CEP63: variants seen among roughly 807,000 people sequenced by gnomAD.
CEP63 encodes centrosomal protein 63.
A neutral mutation model predicts 89.1 loss-of-function variants in CEP63; 84 were observed. The ratio of observed to expected loss-of-function variants is 0.94; its 90% CI spans 0.79 to 1.13. The LOEUF is 1.13. CEP63 is among the 50% of genes most tolerant of loss of function. CEP63 has a pLI of 0.00. For synonymous variants in CEP63, 267 were observed against 272.5 expected, an observed-to-expected ratio of 0.98 and a Z score of 0.20; for missense variants, 838 against 813.3, an observed-to-expected ratio of 1.03 and a Z score of -0.37.
intron 3 of CEP63, among the ~76,000 whole-genome samples, chr3:134,518,661 G>T (rs548956052): frequency 6.6e-6 from 1 of 152,218 alleles, no homozygotes; most frequent in East Asian, 1.9e-4. Context: ...TTAGCTATGT[G>T]TGTATACATA....
At chr3:134,657,960 G>A in the CEP63 span, among the ~76,000 whole-genome samples, 3 of 152,168 alleles carry the variant, frequency 2.0e-5, no homozygotes, top group South Asian at 2.1e-4. Flanking sequence ...GCAGTGGCGC[G>A]ATCTTGGCTC....
chr3:134,736,563 A>G, the CEP63 span, among the ~76,000 whole-genome samples: 1 of 152,204 alleles, frequency 6.6e-6, no homozygotes, highest in Non-Finnish European at 1.5e-5. Flanking sequence ...AGTGGGAACA[A>G]CAACAAAAAT....
At chr3:134,493,487 A>C (rs532418035) in intron 1 of CEP63, among the ~76,000 whole-genome samples, 9 of 151,976 alleles carry the variant, frequency 5.9e-5, no homozygotes, top group Non-Finnish European at 1.3e-4. Flanking sequence ...CTTTTTCTTT[A>C]GGTTTTTATT....
At chr3:134,662,063 G>A in the CEP63 span, among the ~76,000 whole-genome samples, 6 of 152,210 alleles carry the variant, frequency 3.9e-5, no homozygotes, top group Non-Finnish European at 8.8e-5. Context: ...GATCACCTGA[G>A]GTCAGGAGTT....
At chr3:134,576,785 G>A (rs1051487406), downstream of CEP63, among the ~76,000 whole-genome samples, 2 of 152,170 alleles carry the variant, frequency 1.3e-5, no homozygotes, top group African/African-American at 4.8e-5. Context: ...CCTGGCCTCG[G>A]GGTCTGGGAG....
At chr3:134,591,484 T>C (rs1397646953), downstream of CEP63, among the ~76,000 whole-genome samples, 5 of 152,226 alleles carry the variant, frequency 3.3e-5, no homozygotes, top group Non-Finnish European at 7.3e-5. Context: ...GTTATGATTC[T>C]CTTTGTGGAG....
chr3:134,543,674 T>TC (rs1243109029), intron 6 of CEP63, among the ~76,000 whole-genome samples: 9 of 152,204 alleles, frequency 5.9e-5, no homozygotes, highest in African/African-American at 2.2e-4. Context: ...TGAGTGCCCA[T>TC]TTTGGCAGTG....
the CEP63 span, among the ~76,000 whole-genome samples, chr3:134,757,722 G>T: frequency 6.6e-6 from 1 of 152,176 alleles, no homozygotes; most frequent in African/African-American, 2.4e-5. Flanking sequence ...GGGGGGTGGT[G>T]CATGGTGCAG....
the CEP63 span, among the ~76,000 whole-genome samples, chr3:134,665,853 G>A: frequency 6.6e-6 from 1 of 151,916 alleles, no homozygotes; most frequent in South Asian, 2.1e-4. Flanking sequence ...GATAGCCAGA[G>A]GAAGGGAACA....
At chr3:134,766,195 G>A in the CEP63 span, among the ~76,000 whole-genome samples, 1,320 of 152,308 alleles carry the variant, frequency 8.7e-3, 19 homozygotes, top group African/African-American at 0.029. Context: ...TTACTTTAAT[G>A]TTAGGATCTA....
At chr3:134,591,157 A>T (rs1958589156), downstream of CEP63, among the ~76,000 whole-genome samples, 1 of 152,232 alleles carries the variant, frequency 6.6e-6, no homozygotes, top group South Asian at 2.1e-4. Context: ...TTAACTGAGG[A>T]TAAAACTGTA....
At chr3:134,709,492 G>A in the CEP63 span, among the ~76,000 whole-genome samples, 3 of 151,332 alleles carry the variant, frequency 2.0e-5, no homozygotes, top group Admixed American at 6.6e-5. Flanking sequence ...ATAACTGGGG[G>A]GTGGGGGTGG....
chr3:134,622,302 T>TA, the CEP63 span, among the ~76,000 whole-genome samples: 2 of 152,276 alleles, frequency 1.3e-5, no homozygotes, highest in Admixed American at 1.3e-4. Context: ...GCCAAAAGGT[T>TA]AAAAAACATC....
intron 1 of CEP63, chr3:134,486,814 A>G (rs1338390617): frequency 1.3e-5 from 2 of 152,762 alleles, no homozygotes; most frequent in African/African-American, 4.8e-5. Context: ...GTGGACTGAA[A>G]TTGGAGAACC....
the CEP63 span, among the ~76,000 whole-genome samples, chr3:134,723,678 A>T: frequency 8.7e-3 from 1,318 of 152,312 alleles, 23 homozygotes; most frequent in African/African-American, 0.03. Flanking sequence ...ACTAGTGGGA[A>T]GAGCTTTGGG....
chr3:134,722,496 A>G, the CEP63 span, among the ~76,000 whole-genome samples: 625 of 152,234 alleles, frequency 4.1e-3, 2 homozygotes, highest in African/African-American at 0.014. Context: ...ATCTTATTAA[A>G]GAGCCAGCTT....
At chr3:134,725,552 T>C in the CEP63 span, among the ~76,000 whole-genome samples, 3 of 152,302 alleles carry the variant, frequency 2.0e-5, no homozygotes, top group East Asian at 3.9e-4. Context: ...AAGCTAACAA[T>C]ATGGATTTTT....
the CEP63 span, among the ~76,000 whole-genome samples, chr3:134,771,778 A>T: frequency 6.6e-6 from 1 of 152,196 alleles, no homozygotes; most frequent in Non-Finnish European, 1.5e-5. Flanking sequence ...GTATCTCAGA[A>T]CTTAAAGTAT....
the CEP63 span, among the ~76,000 whole-genome samples, chr3:134,697,999 A>G: frequency 2.0e-5 from 3 of 152,234 alleles, no homozygotes; most frequent in Non-Finnish European, 4.4e-5. Context: ...CACAGCATGA[A>G]CATACAGGTT....
Sources: gnomAD v4.1 joint callset for allele counts (sites outside exome capture counted in the v4.1 genomes callset) on GRCh38, gnomAD v4.1.1 for gene constraint, MANE v1.5 for transcripts, NCBI Gene and HGNC (gene_info 2026-07-23, HGNC 2026-07-21) for gene names.